UNC5D: variants seen among roughly 807,000 people sequenced by gnomAD.
The protein encoded by UNC5D is unc-5 netrin receptor D.
In UNC5D, 39 loss-of-function variants were observed where a neutral mutation model predicts 105.4. The ratio of observed to expected loss-of-function variants is 0.37; its 90% CI spans 0.29 to 0.48. The LOEUF is 0.48. Ranked by LOEUF, UNC5D falls within the 20% of genes least tolerant of loss-of-function variation. The pLI, the probability that UNC5D is intolerant of heterozygous loss-of-function variation, is 0.98. For missense variants in UNC5D, 991 were observed against 1,202.4 expected, an observed-to-expected ratio of 0.82 and a Z score of 2.60; for synonymous variants, 452 against 450.4, an observed-to-expected ratio of 1.00 and a Z score of -0.04.
At chr8:35,603,031 G>A (rs1011316758) in intron 4 of UNC5D, among the ~76,000 whole-genome samples, 2 of 151,924 alleles carry the variant, frequency 1.3e-5, no homozygotes, top group African/African-American at 4.8e-5. Flanking sequence ...AGGGTTTTTT[G>A]TGTCTCTATT....
chr8:35,366,104 C>A (rs931482288), intron 1 of UNC5D, among the ~76,000 whole-genome samples: 2 of 152,008 alleles, frequency 1.3e-5, no homozygotes, highest in Non-Finnish European at 2.9e-5. Context: ...AGAGGTGATC[C>A]CATATGGATT....
rs574391734 is a variant in UNC5D, at chr8:35,714,078, G to T, written c.1117+8117G>T. On this transcript the variant is annotated intron_variant, in intron 8 of 16. Transcript: ENST00000404895. ...CAAAGACTGGGGGTGTGGGTGGAGGGGACTGGTCCATGTGGATATCCACTG... is the reference window on the plus strand; with the variant it reads ...CAAAGACTGGGGGTGTGGGTGGAGGTGACTGGTCCATGTGGATATCCACTG... Among the ~76,000 whole-genome samples the T allele has an allele frequency of 1.5e-4, 23 of 152,232 alleles. No homozygotes were observed. The South Asian group carries it at 4.8e-3, about 32-fold the overall frequency.
chr8:35,235,918 G>A, intron 1 of UNC5D, 31 bp downstream of exon 1: 1 of 1,225,606 alleles, frequency 8.2e-7, no homozygotes, highest in Non-Finnish European at 1.0e-6. Context: ...GCAGCTGGGG[G>A]CGAGGGCGCA....
chr8:35,253,690 C>T (rs539800259), intron 1 of UNC5D, among the ~76,000 whole-genome samples: 1 of 151,766 alleles, frequency 6.6e-6, no homozygotes, highest in African/African-American at 2.4e-5. Context: ...GGGGTTCCAC[C>T]ATGTTAGCTA....
chr8:35,635,085 A>G (rs776278238), intron 4 of UNC5D, among the ~76,000 whole-genome samples: 9 of 152,168 alleles, frequency 5.9e-5, no homozygotes, highest in Admixed American at 2.0e-4. Flanking sequence ...CTAAAAAGTT[A>G]CACAAATTTG....
chr8:35,752,608 C>T (rs568001695), intron 13 of UNC5D, among the ~76,000 whole-genome samples: 3 of 152,262 alleles, frequency 2.0e-5, no homozygotes, highest in Admixed American at 6.5e-5. Flanking sequence ...GTTAAACCTC[C>T]TCCCACCATT....
At chr8:35,533,164 C>G (rs1814537921) in intron 1 of UNC5D, among the ~76,000 whole-genome samples, 1 of 152,078 alleles carries the variant, frequency 6.6e-6, no homozygotes, top group South Asian at 2.1e-4. Context: ...TGTTTTTTCC[C>G]CATCTTTGTG....
chr8:35,581,153 C>T (rs1818449269), intron 3 of UNC5D, among the ~76,000 whole-genome samples: 1 of 152,158 alleles, frequency 6.6e-6, no homozygotes, highest in South Asian at 2.1e-4. Flanking sequence ...TTTCCTTCTT[C>T]TCATTGACCA....
rs1004361662 is a variant in UNC5D at position 35,791,540 on chromosome 8, A to G, written c.*977A>G. The G allele has an allele frequency of 6.6e-6, 1 of 152,156 alleles. No homozygotes were observed. The highest frequency in any genetic ancestry group is 6.6e-5 in the Admixed American group (1 of 15,260). 9.4% of individuals were successfully genotyped at this position (152,156 alleles called of 1,614,324 possible). ...CTAACATTGTTGTTATAAGAAAATG[A>G]GTTTACTGCATTTTTCAATCCAGAT... On this transcript the variant is annotated 3_prime_UTR_variant, in exon 17 of 17. Coordinates refer to ENST00000404895, the MANE Select transcript of UNC5D (RefSeq NM_080872.4).
At chr8:35,669,867 G>T (rs1053040223) in intron 4 of UNC5D, among the ~76,000 whole-genome samples, 2 of 152,078 alleles carry the variant, frequency 1.3e-5, no homozygotes, top group African/African-American at 4.8e-5. Context: ...TACCTTTGAG[G>T]TACACAAAAG....
intron 4 of UNC5D, among the ~76,000 whole-genome samples, chr8:35,609,005 C>T (rs1820505369): frequency 6.6e-6 from 1 of 152,040 alleles, no homozygotes; most frequent in Non-Finnish European, 1.5e-5. Flanking sequence ...AGAGGTTGTA[C>T]TAATATACAT....
In UNC5D at chr8:35,795,223, G is replaced by A. The variant is rs1448693596; in HGVS notation, c.*4660G>A. On this transcript the variant is annotated 3_prime_UTR_variant, in exon 17 of 17. Coordinates refer to ENST00000404895, the MANE Select transcript of UNC5D (RefSeq NM_080872.4). The stretch of plus-strand genomic sequence containing the variant: ...AAAAAAGTTATAGCTTTGAATTATA[G>A]ACTATATTACTAAATTTGGTAAGGT... The A allele has an allele frequency of 6.6e-6, 1 of 152,094 alleles. No individual in the cohort carries two copies. Among genetic ancestry groups the A allele is most frequent in the African/African-American group, 2.4e-5 (1 of 41,426 alleles). 9.4% of individuals were successfully genotyped at this position (152,094 alleles called of 1,614,324 possible). A position where few individuals can be genotyped will look rare whatever the true frequency, so the allele number is the denominator to read the frequency against.
At chr8:35,319,806 A>G (rs1278428668) in intron 1 of UNC5D, among the ~76,000 whole-genome samples, 1 of 66,792 alleles carries the variant, frequency 1.5e-5, no homozygotes, top group Admixed American at 1.9e-4. Context: ...AGAAATGGAG[A>G]AAAAAAAAAA....
chr8:35,788,332 C>A (rs764903357), intron 16 of UNC5D, among the ~76,000 whole-genome samples: 3 of 152,070 alleles, frequency 2.0e-5, no homozygotes, highest in Admixed American at 6.6e-5. Flanking sequence ...GAAAGTAATA[C>A]CATCCTCAAA....
chr8:35,495,663 G>T (rs1811534107), intron 1 of UNC5D, among the ~76,000 whole-genome samples: 1 of 151,960 alleles, frequency 6.6e-6, no homozygotes, highest in Admixed American at 6.6e-5. Flanking sequence ...CCCTGTCTGT[G>T]CCTCTCAGAG....
intron 4 of UNC5D, among the ~76,000 whole-genome samples, chr8:35,658,537 C>T (rs755131901): frequency 4.0e-5 from 6 of 150,664 alleles, no homozygotes; most frequent in East Asian, 2.0e-4. Flanking sequence ...TGATGTTACA[C>T]GTAATAAATG....
intron 1 of UNC5D, among the ~76,000 whole-genome samples, chr8:35,383,349 G>A (rs185811301): frequency 8.5e-5 from 13 of 152,214 alleles, no homozygotes; most frequent in South Asian, 2.1e-4. Context: ...ATCTCTATAC[G>A]TAATATAGTA....
At position 35,792,891 on chromosome 8, in the gene UNC5D, C is replaced by T; in HGVS notation, c.*2328C>T. The stretch of plus-strand genomic sequence containing the variant: ...AGATGAAAATTCTAAATGATTTTCC[C>T]TCAAATCTATCTAGATTATTTTAAG... On this transcript the variant is annotated 3_prime_UTR_variant, in exon 17 of 17. Coordinates refer to ENST00000404895, the MANE Select transcript of UNC5D (RefSeq NM_080872.4). The T allele has an allele frequency of 1.1e-5, 4 of 376,280 alleles. No homozygotes were observed. The highest frequency in any genetic ancestry group is 2.1e-5 in the African/African-American group (1 of 46,608). 23.3% of individuals were successfully genotyped at this position (376,280 alleles called of 1,614,324 possible). A position where few individuals can be genotyped will look rare whatever the true frequency, so the allele number is the denominator to read the frequency against.
chr8:35,263,288 A>G (rs1051677217), intron 1 of UNC5D, among the ~76,000 whole-genome samples: 1 of 152,254 alleles, frequency 6.6e-6, no homozygotes, highest in Admixed American at 6.5e-5. Flanking sequence ...TTAATTTATC[A>G]AATTACAATT....
Sources: gnomAD v4.1 joint callset for allele counts (sites outside exome capture counted in the v4.1 genomes callset) on GRCh38, gnomAD v4.1.1 for gene constraint, MANE v1.5 for transcripts, NCBI Gene and HGNC (gene_info 2026-07-23, HGNC 2026-07-21) for gene names.